ACSS3: variants seen among roughly 807,000 people sequenced by gnomAD.
ACSS3 encodes acyl-CoA synthetase short-chain family member 3, mitochondrial.
In ACSS3, 64 loss-of-function variants were observed where a neutral mutation model predicts 84.2. That is an observed-to-expected ratio of 0.76 (90% confidence interval 0.62 to 0.94). ACSS3 has a LOEUF of 0.94. Among genes scored for constraint, ACSS3 ranks in the 40% least tolerant of loss-of-function variants. ACSS3 has a pLI of 0.00. For synonymous variants in ACSS3, 317 were observed against 310.1 expected (o/e 1.02, Z -0.23); for missense variants, 815 against 867.6 (o/e 0.94, Z 0.76).
chr12:81,137,041 A>G (rs1885839733), intron 3 of ACSS3, among the ~76,000 whole-genome samples: 1 of 152,142 alleles, frequency 6.6e-6, no homozygotes, highest in Non-Finnish European at 1.5e-5. Flanking sequence ...CTAGGTATAG[A>G]GTGAGGCTTT....
intron 13 of ACSS3, among the ~76,000 whole-genome samples, chr12:81,244,022 G>A (rs964179080): frequency 9.2e-5 from 14 of 151,766 alleles, no homozygotes; most frequent in Admixed American, 5.3e-4. Flanking sequence ...GCAGGTCTAC[G>A]GGCAACACAT....
intron 7 of ACSS3, among the ~76,000 whole-genome samples, chr12:81,155,495 G>A (rs1297085413): frequency 6.6e-6 from 1 of 152,188 alleles, no homozygotes; most frequent in South Asian, 2.1e-4. Flanking sequence ...ACCCCACCCT[G>A]CAAACCATAT....
intron 2 of ACSS3, among the ~76,000 whole-genome samples, chr12:81,128,552 T>C (rs992956494): frequency 6.6e-6 from 1 of 152,186 alleles, no homozygotes; most frequent in African/African-American, 2.4e-5. Flanking sequence ...TCTATCCTTG[T>C]GTAAAACCAT....
At chr12:81,167,370 C>T (rs568104248) in intron 7 of ACSS3, among the ~76,000 whole-genome samples, 1 of 152,232 alleles carries the variant, frequency 6.6e-6, no homozygotes, top group East Asian at 1.9e-4. Flanking sequence ...ACACCCTGCC[C>T]TAGTTTGTTT....
chr12:81,224,508 T>C (rs1046208447), intron 11 of ACSS3, among the ~76,000 whole-genome samples: 7 of 151,756 alleles, frequency 4.6e-5, no homozygotes, highest in Middle Eastern at 3.4e-3. Context: ...TGATCACATT[T>C]TCTTATCACA....
At chr12:81,129,052 C>T (rs1885307468) in intron 2 of ACSS3, among the ~76,000 whole-genome samples, 1 of 152,142 alleles carries the variant, frequency 6.6e-6, no homozygotes, top group African/African-American at 2.4e-5. Context: ...TGTAGACCAG[C>T]TCTGGTGTGG....
intron 2 of ACSS3, among the ~76,000 whole-genome samples, chr12:81,110,677 C>A (rs1225071520): frequency 1.3e-5 from 2 of 152,152 alleles, no homozygotes; most frequent in African/African-American, 2.4e-5. Context: ...AGTATCCCTG[C>A]CTCCACCTTA....
intron 2 of ACSS3, among the ~76,000 whole-genome samples, chr12:81,118,501 A>G (rs1350744137): frequency 6.6e-6 from 1 of 152,160 alleles, no homozygotes; most frequent in African/African-American, 2.4e-5. Context: ...CACACATCCC[A>G]TTTGGCCATC....
intron 1 of ACSS3, among the ~76,000 whole-genome samples, chr12:81,080,184 G>A (rs1880880341): frequency 6.6e-6 from 1 of 152,168 alleles, no homozygotes. Context: ...GTGGCAATAA[G>A]AATGGAGGAG....
chr12:81,108,254 TATTATTATTA>T (rs1413346932), intron 1 of ACSS3, among the ~76,000 whole-genome samples: 4 of 116,316 alleles, frequency 3.4e-5, no homozygotes, highest in Non-Finnish European at 8.3e-5. Flanking sequence ...TGGCTATTAT[TATTATTATTA>T]ATTATTATTA....
intron 5 of ACSS3, among the ~76,000 whole-genome samples, chr12:81,145,061 T>C (rs1310219019): frequency 1.4e-5 from 2 of 138,222 alleles, no homozygotes; most frequent in African/African-American, 2.7e-5. Flanking sequence ...CCACCACGCC[T>C]GGCTAATTTT....
At chr12:81,145,067 A>ATTTTTTTT (rs35753293) in intron 5 of ACSS3, among the ~76,000 whole-genome samples, 91 of 100,828 alleles carry the variant, frequency 9.0e-4, no homozygotes, top group African/African-American at 2.1e-3. Context: ...CGCCTGGCTA[A>ATTTTTTTT]TTTTTTTTTT....
At chr12:81,106,438 T>C (rs1883003714) in intron 1 of ACSS3, among the ~76,000 whole-genome samples, 1 of 152,158 alleles carries the variant, frequency 6.6e-6, no homozygotes, top group African/African-American at 2.4e-5. Context: ...GTGAGTTGTA[T>C]AATTATTTCA....
chr12:81,257,221 G>A lies in ACSS3; in HGVS notation c.*2299G>A, dbSNP rs2136028593. 1 of 152,222 alleles carries A rather than the reference G, an allele frequency of 6.6e-6. No homozygotes were observed. The highest frequency in any genetic ancestry group is 1.5e-5 in the Non-Finnish European group (1 of 68,018). 9.4% of individuals were successfully genotyped at this position (152,222 alleles called of 1,614,324 possible). ...AGGATGGGAATGGAAAACAGTGCTG[G>A]AGACTGGGGAAGTGGCTATTTCCTG... is the stretch of plus-strand genomic sequence containing the variant. On this transcript the variant is annotated 3_prime_UTR_variant, in exon 16 of 16. Transcript: ENST00000548058.
intron 8 of ACSS3, among the ~76,000 whole-genome samples, chr12:81,198,605 A>C (rs942784443): frequency 1.3e-5 from 2 of 151,134 alleles, no homozygotes; most frequent in Admixed American, 1.3e-4. Context: ...AAAAAAAAAA[A>C]CCCATAAACA....
intron 3 of ACSS3, among the ~76,000 whole-genome samples, chr12:81,136,119 A>G (rs916832066): frequency 7.2e-5 from 11 of 152,308 alleles, no homozygotes; most frequent in Admixed American, 5.2e-4. Flanking sequence ...ATATGTTTGA[A>G]TGGGGTACAA....
Position 81,138,915 on chromosome 12 carries a change from G to A in ACSS3, c.646-216G>A, listed in dbSNP as rs916688651. ...ACATATGAGTCAAAAACATCATTGA[G>A]CATGCAGTTTTGAACAGGTAAGTGA... is the stretch of plus-strand genomic sequence containing the variant. On this transcript the variant is annotated intron_variant, in intron 3 of 15. Coordinates refer to ENST00000548058, the MANE Select transcript of ACSS3 (RefSeq NM_024560.4). 2.0e-5 allele frequency among the ~76,000 whole-genome samples: 3 copies of A among 152,172 alleles called. No individual in the cohort carries two copies. In the South Asian group the frequency reaches 6.2e-4, roughly 31 times the overall value.
At chr12:81,081,924 C>T (rs186001473) in intron 1 of ACSS3, among the ~76,000 whole-genome samples, 27 of 152,244 alleles carry the variant, frequency 1.8e-4, no homozygotes, top group Admixed American at 1.6e-3. Flanking sequence ...TTTAATCCTG[C>T]CAAGTCTTAA....
At chr12:81,113,337 A>G (rs1034532852) in intron 2 of ACSS3, among the ~76,000 whole-genome samples, 2 of 152,090 alleles carry the variant, frequency 1.3e-5, no homozygotes, top group African/African-American at 2.4e-5. Flanking sequence ...TCCTCCAGAT[A>G]TCTTATGGTC....
Sources: gnomAD v4.1 joint callset for allele counts (sites outside exome capture counted in the v4.1 genomes callset) on GRCh38, gnomAD v4.1.1 for gene constraint, MANE v1.5 for transcripts, NCBI Gene and HGNC (gene_info 2026-07-23, HGNC 2026-07-21) for gene names.